The following CNTN5 variants were observed in gnomAD, a reference collection of about 807,000 sequenced individuals.
CNTN5 encodes contactin-5.
CNTN5 carries 77 observed loss-of-function variants against 129.1 expected under a neutral mutation model. That is an observed-to-expected ratio of 0.60 (90% CI 0.50 to 0.72). CNTN5 has a LOEUF of 0.72. CNTN5 is among the 30% of genes least tolerant of loss of function. The probability of loss-of-function intolerance (pLI) is 0.00; values close to 1 mark genes in which losing one functional copy is unlikely to be tolerated. For synonymous variants in CNTN5, 509 were observed against 465.6 expected, an observed-to-expected ratio of 1.09 and a Z score of -1.20; for missense variants, 1,478 against 1,328.8, an observed-to-expected ratio of 1.11 and a Z score of -1.75.
At chr11:100,021,286 T>G (rs1470312065) in intron 9 of CNTN5, among the ~76,000 whole-genome samples, 1 of 152,226 alleles carries the variant, frequency 6.6e-6, no homozygotes, top group Non-Finnish European at 1.5e-5. Flanking sequence ...ATTTACATAC[T>G]GCTGTTAGTG....
chr11:99,338,934 A>ATATATG lies in CNTN5; in HGVS notation c.-71+13455_-71+13456insGTATAT, dbSNP rs1266598878. On this transcript the variant is annotated intron_variant, in intron 2 of 24. Transcript: ENST00000524871. ...TTCATTCACAGATATATATATATAT[A>ATATATG]TATATATATATATCTGTGATATATA... 6.3e-5 allele frequency among the ~76,000 whole-genome samples: 9 copies of ATATATG among 142,996 alleles called. 1 individual carries two copies. The highest frequency in any genetic ancestry group is 2.3e-4 in the South Asian group (1 of 4,428). The allele number at this position is 142,996 out of a possible 152,430, so 93.8% of individuals were successfully genotyped here. A position where few individuals can be genotyped will look rare whatever the true frequency, so the allele number is the denominator to read the frequency against.
At chr11:99,566,855 G>A (rs1324769862) in intron 3 of CNTN5, among the ~76,000 whole-genome samples, 1 of 152,046 alleles carries the variant, frequency 6.6e-6, no homozygotes. Flanking sequence ...TTTGGTTGGA[G>A]GTTTTTGAAA....
At chr11:99,330,239 A>G (rs1865946745) in intron 2 of CNTN5, among the ~76,000 whole-genome samples, 1 of 148,598 alleles carries the variant, frequency 6.7e-6, no homozygotes, top group African/African-American at 2.5e-5. Flanking sequence ...GGAAGGAGGA[A>G]GAAAGGAGGG....
At chr11:100,163,016 C>G (rs1269608208) in intron 13 of CNTN5, among the ~76,000 whole-genome samples, 1 of 151,754 alleles carries the variant, frequency 6.6e-6, no homozygotes, top group Non-Finnish European at 1.5e-5. Context: ...GCCTTTGTGC[C>G]TCCTACAGCC....
chr11:99,047,419 C>T (rs12280807), intron 1 of CNTN5, among the ~76,000 whole-genome samples: 35,256 of 149,076 alleles, frequency 0.24, 4,438 homozygotes, highest in East Asian at 0.33. Flanking sequence ...ATGTGTATGG[C>T]GTGTGTCTTT....
intron 1 of CNTN5, among the ~76,000 whole-genome samples, chr11:99,236,464 AC>A (rs1302480438): frequency 2.7e-5 from 1 of 36,850 alleles, no homozygotes; most frequent in African/African-American, 7.8e-5. Flanking sequence ...ACACACTCAC[AC>A]ACAAACACAC....
At chr11:99,062,681 T>G (rs979454487) in intron 1 of CNTN5, among the ~76,000 whole-genome samples, 5 of 151,988 alleles carry the variant, frequency 3.3e-5, no homozygotes, top group Non-Finnish European at 7.4e-5. Flanking sequence ...AGGGGGTACA[T>G]TATCTGTAAT....
intron 2 of CNTN5, among the ~76,000 whole-genome samples, chr11:99,531,053 A>G (rs71474525): frequency 2.0e-5 from 3 of 152,164 alleles, no homozygotes; most frequent in East Asian, 3.9e-4. Context: ...AAGGCTCAGA[A>G]GAAGACAGGA....
At chr11:100,331,985 A>C (rs1258962736) in intron 21 of CNTN5, among the ~76,000 whole-genome samples, 1 of 152,122 alleles carries the variant, frequency 6.6e-6, no homozygotes. Flanking sequence ...AATAACAAAG[A>C]GGAGAACTAA....
intron 3 of CNTN5, among the ~76,000 whole-genome samples, chr11:99,662,565 TTATC>T (rs1212174150): frequency 2.0e-5 from 3 of 152,226 alleles, no homozygotes; most frequent in African/African-American, 7.2e-5. Flanking sequence ...AAACACGTAT[TTATC>T]TTCAAAATTT....
chr11:99,728,314 C>G (rs923626592), intron 3 of CNTN5, among the ~76,000 whole-genome samples: 1 of 152,054 alleles, frequency 6.6e-6, no homozygotes, highest in Non-Finnish European at 1.5e-5. Context: ...AATCTTAAGG[C>G]CTTGATATTA....
chr11:99,553,720 T>C (rs1486296402), intron 2 of CNTN5, among the ~76,000 whole-genome samples: 3 of 151,930 alleles, frequency 2.0e-5, no homozygotes, highest in Non-Finnish European at 4.4e-5. Flanking sequence ...CATTATGTTG[T>C]ACTACATAAA....
chr11:99,296,683 G>A lies in CNTN5; in HGVS notation c.-209-28663G>A, dbSNP rs1028024042. On this transcript the variant is annotated intron_variant, in intron 1 of 24. Coordinates refer to ENST00000524871, the MANE Select transcript of CNTN5 (RefSeq NM_014361.4). ...TTGGAAAAACAGGGCCAGGAAAGTG[G>A]TTTCTGGTGCCTCCTGTTTTTCCCA... 2.0e-5 allele frequency among the ~76,000 whole-genome samples: 3 copies of A among 152,188 alleles called. No homozygotes were observed. The East Asian group carries it at 5.8e-4, about 29-fold the overall frequency.
At chr11:99,111,114 C>G (rs1250330664) in intron 1 of CNTN5, among the ~76,000 whole-genome samples, 1 of 152,090 alleles carries the variant, frequency 6.6e-6, no homozygotes, top group Non-Finnish European at 1.5e-5. Context: ...CCCAATTCAA[C>G]ATGAGAATTT....
At chr11:99,555,616 T>C (rs1473151910) in intron 2 of CNTN5, among the ~76,000 whole-genome samples, 6 of 151,884 alleles carry the variant, frequency 4.0e-5, no homozygotes, top group Admixed American at 1.3e-4. Flanking sequence ...TATAACACAG[T>C]ACAGATAATC....
intron 13 of CNTN5, among the ~76,000 whole-genome samples, chr11:100,117,551 A>G (rs987411527): frequency 6.6e-5 from 10 of 151,950 alleles, no homozygotes; most frequent in African/African-American, 2.4e-4. Flanking sequence ...CATATGCTCA[A>G]CAATGTTAAT....
Position 100,193,549 on chromosome 11 carries a change from C to G in CNTN5, c.1770C>G (p.Val590=). 6.2e-7 allele frequency: 1 copy of G among 1,610,790 alleles called. No homozygotes were observed. The highest frequency in any genetic ancestry group is 8.5e-7 in the Non-Finnish European group (1 of 1,177,986). The part of the protein sequence containing the change: ...RTELTVGESI[V]LNCKAIHDAS... ...AATTGACAGTGGGAGAAAGCATTGTCCTTAATTGCAAAGCAATTCACGATG... is the reference window on the plus strand; with the variant it reads ...AATTGACAGTGGGAGAAAGCATTGTGCTTAATTGCAAAGCAATTCACGATG... The change falls in exon 15 of 25, where the codon GTC becomes GTG. Residue 590 remains valine (V), a synonymous_variant. Transcript: ENST00000524871.
chr11:99,308,157 T>C (rs1242731700), intron 1 of CNTN5, among the ~76,000 whole-genome samples: 3 of 152,236 alleles, frequency 2.0e-5, no homozygotes, highest in African/African-American at 7.2e-5. Flanking sequence ...TGCTTCCTGT[T>C]TCTTTCTAGT....
chr11:99,030,905 C>A (rs1355863276), intron 1 of CNTN5, among the ~76,000 whole-genome samples: 2 of 151,820 alleles, frequency 1.3e-5, no homozygotes, highest in African/African-American at 2.4e-5. Context: ...CTCAGCCTCC[C>A]GAGTAGCTGC....
Sources: allele counts gnomAD v4.1 joint callset (sites outside exome capture counted in the v4.1 genomes callset), GRCh38; gene constraint gnomAD v4.1.1; transcripts MANE v1.5; gene names NCBI Gene and HGNC (gene_info 2026-07-23, HGNC 2026-07-21).